DSG2: variants seen among roughly 807,000 people sequenced by gnomAD.
The protein encoded by DSG2 is desmoglein 2, also known as desmoglein-2.
Under a neutral mutation model 75.6 loss-of-function variants are expected in DSG2, and 45 were observed. The observed-to-expected ratio is 0.60, with a 90% confidence interval of 0.47 to 0.76. The LOEUF (loss-of-function observed/expected upper bound fraction) is 0.76. Among genes scored for constraint, DSG2 ranks in the 30% least tolerant of loss-of-function variants. The pLI is 0.00. For synonymous variants in DSG2, 429 were observed against 483.9 expected, an observed-to-expected ratio of 0.89 and a Z score of 1.49; for missense variants, 1,267 against 1,357.4, an observed-to-expected ratio of 0.93 and a Z score of 1.05.
At chr18:31,537,160 T>C (rs1252911808) in intron 11 of DSG2, among the ~76,000 whole-genome samples, 1 of 151,552 alleles carries the variant, frequency 6.6e-6, no homozygotes, top group Non-Finnish European at 1.5e-5. Context: ...GTTTTTTTTT[T>C]AATTTACAGC....
intron 1 of DSG2, among the ~76,000 whole-genome samples, chr18:31,509,759 G>A (rs997842754): frequency 6.6e-6 from 1 of 152,174 alleles, no homozygotes; most frequent in Non-Finnish European, 1.5e-5. Context: ...GAACTCTTCT[G>A]AACATGTACA....
chr18:31,502,960 A>C (rs2073021550), intron 1 of DSG2, among the ~76,000 whole-genome samples: 1 of 152,214 alleles, frequency 6.6e-6, no homozygotes, highest in African/African-American at 2.4e-5. Context: ...TATGATGAGA[A>C]ACTATCTTCT....
chr18:31,539,005 T>C (rs754191604), intron 12 of DSG2, 27 bp downstream of exon 12: 3 of 1,600,274 alleles, frequency 1.9e-6, no homozygotes, highest in Non-Finnish European at 2.6e-6. Context: ...CACTCTGTTG[T>C]GCTTTTGGGA....
chr18:31,506,310 A>G (rs1349787478), intron 1 of DSG2, among the ~76,000 whole-genome samples: 1 of 152,206 alleles, frequency 6.6e-6, no homozygotes, highest in Non-Finnish European at 1.5e-5. Context: ...TTTCACTGCA[A>G]ATTAGAATCA....
At chr18:31,534,680 TTG>T (rs1230313274) in intron 9 of DSG2, among the ~76,000 whole-genome samples, 1 of 152,018 alleles carries the variant, frequency 6.6e-6, no homozygotes, top group Non-Finnish European at 1.5e-5. Context: ...CCGGCATTTT[TTG>T]TGTTTTTAGT....
At chr18:31,501,452 C>A (rs1164855793) in intron 1 of DSG2, among the ~76,000 whole-genome samples, 3 of 152,172 alleles carry the variant, frequency 2.0e-5, no homozygotes, top group Admixed American at 2.0e-4. Context: ...CTTAAAACAA[C>A]AAAAATGTAT....
Position 31,539,388 on chromosome 18 carries a change from A to T in DSG2, c.1879+410A>T, listed in dbSNP as rs538903602. ...GTTATGGGCACAAGGTTTTTTACAA[A>T]CCCAGTTTATTCCAATCAATCCTGC... is the stretch of plus-strand genomic sequence containing the variant. On this transcript the variant is annotated intron_variant, in intron 12 of 14. Coordinates refer to ENST00000261590, the MANE Select transcript of DSG2 (RefSeq NM_001943.5). 5.3e-5 allele frequency among the ~76,000 whole-genome samples: 8 copies of T among 152,166 alleles called. No homozygotes were observed. The South Asian group carries it at 1.7e-3, about 32-fold the overall frequency.
intron 11 of DSG2, among the ~76,000 whole-genome samples, chr18:31,537,773 C>G (rs926960006): frequency 2.0e-5 from 3 of 151,978 alleles, no homozygotes; most frequent in African/African-American, 7.3e-5. Context: ...GAGGGTGAGG[C>G]GGGTGGATCA....
chr18:31,535,148 A>C lies in DSG2; in HGVS notation c.1281-122A>C, dbSNP rs536017269. 16 of 752,786 alleles carry C rather than the reference A, an allele frequency of 2.1e-5. No individual in the cohort carries two copies. In the African/African-American group the frequency reaches 2.1e-4, roughly 10 times the overall value. 46.6% of individuals were successfully genotyped at this position (752,786 alleles called of 1,614,324 possible). On this transcript the variant is annotated intron_variant, in intron 9 of 14. Coordinates refer to ENST00000261590, the MANE Select transcript of DSG2 (RefSeq NM_001943.5). ...TTTTGCAAAATTAAAAACATTCAAA[A>C]CAAATGCCTGTAATAAGAACATATT...
chr18:31,501,629 T>C (rs1329772990), intron 1 of DSG2, among the ~76,000 whole-genome samples: 1 of 152,234 alleles, frequency 6.6e-6, no homozygotes, highest in African/African-American at 2.4e-5. Flanking sequence ...ATCCTCCATC[T>C]GCGCATGGCA....
chr18:31,545,955 C>T lies in DSG2; in HGVS notation c.2569C>T (p.Pro857Ser), dbSNP rs775091459. 11 of 1,614,038 alleles carry T rather than the reference C, an allele frequency of 6.8e-6. No individual in the cohort carries two copies. The highest frequency in any genetic ancestry group is 5.0e-5 in the Admixed American group (3 of 60,010). ...INKEIEQRQK[P>S]ATETSMNTAS... ...TAAGGAAATTGAGCAGAGACAAAAA[C>T]CTGCCACAGAAACAAGTATGAACAC... The change falls in exon 15 of 15, where the codon CCT becomes TCT. Residue 857 changes from proline (P) to serine (S), a missense_variant. Transcript: ENST00000261590.
Position 31,535,274 on chromosome 18 carries a change from G to A in DSG2, c.1285G>A (p.Val429Ile), listed in dbSNP as rs2073222040. 1 of 1,583,098 alleles carries A rather than the reference G, an allele frequency of 6.3e-7. No homozygotes were observed. The highest frequency in any genetic ancestry group is 1.3e-5 in the African/African-American group (1 of 74,442). Reference sequence around the variant, plus strand: ...TTTATGTTTGTTTTATGACAGATATGTAAAATTAGAAGATAGAGATAATTG... The same window carrying A: ...TTTATGTTTGTTTTATGACAGATATATAAAATTAGAAGATAGAGATAATTG... Reference protein sequence around the residue: ...DTGLPAHARYVKLEDRDNWIS... With the variant: ...DTGLPAHARYIKLEDRDNWIS... The change falls in exon 10 of 15, where the codon GTA (valine) becomes ATA (isoleucine). Residue 429 changes from valine to isoleucine, a missense_variant. Physicochemically the swap from Val to Ile is conservative, Grantham distance 29. Coordinates refer to ENST00000261590, the MANE Select transcript of DSG2 (RefSeq NM_001943.5).
rs778488673 is a variant in DSG2 at position 31,546,115 on chromosome 18, G to T, written c.2729G>T (p.Arg910Ile). The change falls in exon 15 of 15, where the codon AGA becomes ATA. Residue 910 changes from arginine to isoleucine, a missense_variant. Arg to Ile is a moderately conservative substitution (Grantham distance 97). Coordinates refer to ENST00000261590, the MANE Select transcript of DSG2 (RefSeq NM_001943.5). Reference sequence around the variant, plus strand: ...GTAACTCAGGAAATAGTCACTGAAAGATCTGTGTCTTCTAGGCAGGCGCAA... The same window carrying T: ...GTAACTCAGGAAATAGTCACTGAAATATCTGTGTCTTCTAGGCAGGCGCAA... ...EKVTQEIVTE[R>I]SVSSRQAQKV... is the part of the protein sequence containing the mutation. 1.9e-6 allele frequency: 3 copies of T among 1,614,068 alleles called. No homozygotes were observed. In the African/African-American group the frequency reaches 4.0e-5, roughly 22 times the overall value.
At position 31,505,995 on chromosome 18, in the gene DSG2, C is replaced by T. The variant is rs550815624; in HGVS notation, c.45+7699C>T. Among the ~76,000 whole-genome samples, 11 of 152,310 alleles carry T rather than the reference C, an allele frequency of 7.2e-5. No individual in the cohort carries two copies. In the East Asian group the frequency reaches 1.9e-3, roughly 27 times the overall value. On this transcript the variant is annotated intron_variant, in intron 1 of 14. Transcript: ENST00000261590. ...TTAAATTTTATGCATTTAGCAGTCACAAATTGGGCGTCTACTATATGACCA... is the reference window on the plus strand; with the variant it reads ...TTAAATTTTATGCATTTAGCAGTCATAAATTGGGCGTCTACTATATGACCA...
chr18:31,531,809 A>C (rs998551882), intron 9 of DSG2, among the ~76,000 whole-genome samples: 4 of 152,212 alleles, frequency 2.6e-5, no homozygotes, highest in Admixed American at 2.0e-4. Flanking sequence ...AGAACCTACA[A>C]GATGCTCACT....
rs115403405 is a variant in DSG2 at position 31,504,925 on chromosome 18, A to G, written c.45+6629A>G. 4.2e-3 allele frequency among the ~76,000 whole-genome samples: 637 copies of G among 152,214 alleles called. 5 individuals are homozygous for G. The highest frequency in any genetic ancestry group is 0.015 in the African/African-American group (603 of 41,500). On this transcript the variant is annotated intron_variant, in intron 1 of 14. Coordinates refer to ENST00000261590, the MANE Select transcript of DSG2 (RefSeq NM_001943.5). Reference sequence around the variant, plus strand: ...GATTTTTGTCCCCATAAAGACTCCTACTTCTACCTGTCTATCTCATTGCCA... The same window carrying G: ...GATTTTTGTCCCCATAAAGACTCCTGCTTCTACCTGTCTATCTCATTGCCA...
Position 31,534,771 on chromosome 18 carries a change from A to G in DSG2, c.1281-499A>G, listed in dbSNP as rs562626918. On this transcript the variant is annotated intron_variant, in intron 9 of 14. Coordinates refer to ENST00000261590, the MANE Select transcript of DSG2 (RefSeq NM_001943.5). ...GTGATCCACCCGCCTCAGCCTCCCA[A>G]TGTGCTGGGATTACAGGCGTGAGCC... Among the ~76,000 whole-genome samples, 7 of 152,218 alleles carry G rather than the reference A, an allele frequency of 4.6e-5. No individual in the cohort carries two copies. The South Asian group carries it at 8.3e-4, about 18-fold the overall frequency.
intron 14 of DSG2, 114 bp from the exon 15 acceptor site, chr18:31,545,607 A>C: frequency 7.8e-7 from 1 of 1,276,566 alleles, no homozygotes; most frequent in South Asian, 1.3e-5. Context: ...GTTCCTTGTA[A>C]TTAAATTCAC....
At chr18:31,509,441 T>TA (rs10657666) in intron 1 of DSG2, among the ~76,000 whole-genome samples, 1 of 151,738 alleles carries the variant, frequency 6.6e-6, no homozygotes, top group Non-Finnish European at 1.5e-5. Context: ...TCTTTTTTTT[T>TA]AAATTAGCAA....
Sources: allele counts gnomAD v4.1 joint callset (sites outside exome capture counted in the v4.1 genomes callset), GRCh38; gene constraint gnomAD v4.1.1; transcripts MANE v1.5; gene names NCBI Gene and HGNC (gene_info 2026-07-23, HGNC 2026-07-21).